Variants in NCAM2 observed in about 807,000 individuals in gnomAD.
The protein encoded by NCAM2 is neural cell adhesion molecule 2.
A neutral mutation model predicts 98.1 loss-of-function variants in NCAM2; 30 were observed. The observed-to-expected ratio is 0.31, with a 90% CI of 0.23 to 0.41. The LOEUF is 0.41. Ranked by LOEUF, NCAM2 falls within the 10% of genes least tolerant of loss-of-function variation. The pLI is 1.00. For synonymous variants in NCAM2, 368 were observed against 342.4 expected (o/e 1.07, Z -0.83); for missense variants, 867 against 1,005.8 (o/e 0.86, Z 1.87).
At chr21:21,209,838 G>A (rs1236923232) in intron 1 of NCAM2, among the ~76,000 whole-genome samples, 4 of 152,148 alleles carry the variant, frequency 2.6e-5, no homozygotes, top group Non-Finnish European at 5.9e-5. Flanking sequence ...GTTCCCCAAA[G>A]ATGGTACTTG....
intron 9 of NCAM2, among the ~76,000 whole-genome samples, chr21:21,374,402 GTTT>G (rs1477732595): frequency 6.6e-6 from 1 of 151,592 alleles, no homozygotes; most frequent in East Asian, 1.9e-4. Flanking sequence ...TATTCAAATT[GTTT>G]TGTTAGGCTA....
At chr21:21,074,940 A>C (rs2065648380) in intron 1 of NCAM2, among the ~76,000 whole-genome samples, 1 of 152,164 alleles carries the variant, frequency 6.6e-6, no homozygotes, top group African/African-American at 2.4e-5. Flanking sequence ...ACTAACCCAA[A>C]TGCCCATCAG....
At chr21:21,477,228 T>A (rs1224943422) in intron 14 of NCAM2, 63 bp from the exon 15 acceptor site, 5 of 1,287,288 alleles carry the variant, frequency 3.9e-6, no homozygotes, top group Non-Finnish European at 5.2e-6. Context: ...AATATAATTT[T>A]TTTAAAAAGG....
At chr21:21,004,123 G>A (rs780006925) in intron 1 of NCAM2, among the ~76,000 whole-genome samples, 9 of 152,104 alleles carry the variant, frequency 5.9e-5, no homozygotes, top group Middle Eastern at 3.2e-3. Flanking sequence ...AAACTCTTCA[G>A]TTCTCCTAAC....
At chr21:21,077,802 A>T (rs1253690125) in intron 1 of NCAM2, among the ~76,000 whole-genome samples, 2 of 152,166 alleles carry the variant, frequency 1.3e-5, no homozygotes, top group Non-Finnish European at 2.9e-5. Flanking sequence ...TTTATATCAC[A>T]TAAGTATATT....
intron 8 of NCAM2, among the ~76,000 whole-genome samples, chr21:21,344,888 G>A (rs1378981711): frequency 6.6e-6 from 1 of 152,172 alleles, no homozygotes; most frequent in African/African-American, 2.4e-5. Context: ...GGCCACAGGA[G>A]TGCTTGTGTC....
intron 9 of NCAM2, among the ~76,000 whole-genome samples, chr21:21,376,331 GT>G (rs1479693351): frequency 1.3e-5 from 2 of 151,706 alleles, no homozygotes; most frequent in African/African-American, 4.8e-5. Context: ...ACTGAAAATA[GT>G]TTTAAAAACC....
intron 9 of NCAM2, among the ~76,000 whole-genome samples, chr21:21,379,295 C>A (rs1035512768): frequency 6.6e-6 from 1 of 151,826 alleles, no homozygotes; most frequent in South Asian, 2.1e-4. Flanking sequence ...TATTTCCTTT[C>A]TTCTATGTAT....
rs182365988 is a variant in NCAM2, at chr21:21,541,051, T to C, written c.*3094T>C. 2.5e-3 allele frequency: 376 copies of C among 151,892 alleles called. No homozygotes were observed. Among genetic ancestry groups the C allele is most frequent in the African/African-American group, 8.7e-3 (363 of 41,536 alleles). 9.4% of individuals were successfully genotyped at this position (151,892 alleles called of 1,614,324 possible). A position where few individuals can be genotyped will look rare whatever the true frequency, so the allele number is the denominator to read the frequency against. ...CTATAAAAGCATTTTTCAAAGGCTA[T>C]TTGATCCAGCACACTTCATATGGAT... is the stretch of plus-strand genomic sequence containing the variant. On this transcript the variant is annotated 3_prime_UTR_variant, in exon 18 of 18. Coordinates refer to ENST00000400546, the MANE Select transcript of NCAM2 (RefSeq NM_004540.5).
At chr21:21,301,382 C>CTT (rs2073706810) in intron 5 of NCAM2, among the ~76,000 whole-genome samples, 1 of 45,086 alleles carries the variant, frequency 2.2e-5, no homozygotes, top group African/African-American at 8.0e-5. Flanking sequence ...TTTTTTTTTT[C>CTT]TATTTTTTTT....
intron 16 of NCAM2, among the ~76,000 whole-genome samples, chr21:21,523,563 A>C (rs1013006833): frequency 1.3e-5 from 2 of 152,038 alleles, no homozygotes; most frequent in African/African-American, 4.8e-5. Flanking sequence ...TATTGAAAAT[A>C]ATGGAAACAA....
chr21:21,324,312 C>A, intron 5 of NCAM2, 71 bp from the exon 6 acceptor site: 3 of 1,111,350 alleles, frequency 2.7e-6, no homozygotes, highest in South Asian at 3.3e-5. Flanking sequence ...TAAAATGTAG[C>A]AAAAATTCTC....
chr21:21,088,770 A>AT (rs1225337053), intron 1 of NCAM2, among the ~76,000 whole-genome samples: 5 of 152,106 alleles, frequency 3.3e-5, no homozygotes, highest in Non-Finnish European at 7.4e-5. Context: ...AGGCAGGCGG[A>AT]TCACGAGGTC....
intron 11 of NCAM2, among the ~76,000 whole-genome samples, chr21:21,418,870 A>G (rs999236980): frequency 2.6e-5 from 4 of 152,190 alleles, no homozygotes; most frequent in African/African-American, 9.6e-5. Flanking sequence ...GTAGAAGAAT[A>G]TATTTGGAAT....
At chr21:21,329,035 A>G (rs1322502552) in intron 6 of NCAM2, among the ~76,000 whole-genome samples, 1 of 151,398 alleles carries the variant, frequency 6.6e-6, no homozygotes, top group East Asian at 1.9e-4. Flanking sequence ...GCTCACTGCA[A>G]CTTCTGCCTC....
intron 1 of NCAM2, among the ~76,000 whole-genome samples, chr21:21,102,413 A>C (rs772973821): frequency 7.2e-5 from 11 of 152,008 alleles, no homozygotes; most frequent in Non-Finnish European, 1.2e-4. Context: ...AGGATTTCTC[A>C]GGTTATATTT....
intron 9 of NCAM2, among the ~76,000 whole-genome samples, chr21:21,398,936 A>G (rs2076572519): frequency 6.6e-6 from 1 of 152,218 alleles, no homozygotes; most frequent in African/African-American, 2.4e-5. Flanking sequence ...TCTGAGAGCC[A>G]GCAAACCAAG....
intron 5 of NCAM2, among the ~76,000 whole-genome samples, chr21:21,318,292 A>G (rs953051299): frequency 6.6e-6 from 1 of 152,196 alleles, no homozygotes; most frequent in African/African-American, 2.4e-5. Flanking sequence ...TTATTTATAT[A>G]TTTATTGACT....
At chr21:21,071,917 A>G (rs200424830) in intron 1 of NCAM2, among the ~76,000 whole-genome samples, 3 of 117,702 alleles carry the variant, frequency 2.5e-5, no homozygotes, top group Non-Finnish European at 5.6e-5. Flanking sequence ...CTATCTATCT[A>G]TCTATATTTT....
Sources: gnomAD v4.1 joint callset for allele counts (sites outside exome capture counted in the v4.1 genomes callset) on GRCh38, gnomAD v4.1.1 for gene constraint, MANE v1.5 for transcripts, NCBI Gene and HGNC (gene_info 2026-07-23, HGNC 2026-07-21) for gene names.